Variants in PHRF1 observed in about 807,000 individuals in gnomAD.
The protein encoded by PHRF1 is PHD and ring finger domains 1, also known as PHD and RING finger domain-containing protein 1.
PHRF1 carries 53 observed loss-of-function variants against 128.9 expected under a neutral mutation model. That is an observed-to-expected ratio of 0.41 (90% CI 0.33 to 0.52). The LOEUF (loss-of-function observed/expected upper bound fraction) is 0.52. Among genes scored for constraint, PHRF1 ranks in the 20% least tolerant of loss-of-function variants. The pLI is 0.21. For missense variants in PHRF1, 2,503 were observed against 2,284.5 expected, an observed-to-expected ratio of 1.10 and a Z score of -1.95; for synonymous variants, 1,178 against 980.6, an observed-to-expected ratio of 1.20 and a Z score of -3.76.
At chr11:602,199 G>C (rs1200953266) in intron 10 of PHRF1, among the ~76,000 whole-genome samples, 1 of 152,144 alleles carries the variant, frequency 6.6e-6, no homozygotes, top group East Asian at 1.9e-4. Context: ...GTTGTCCTAG[G>C]CCCTTTCCAT....
chr11:577,152 C>T (rs906592437), intron 1 of PHRF1, among the ~76,000 whole-genome samples: 5 of 152,200 alleles, frequency 3.3e-5, no homozygotes, highest in African/African-American at 7.2e-5. Flanking sequence ...TTTTCCTATT[C>T]CTTAACTCTT....
At position 611,930 on chromosome 11, in the gene PHRF1, G is replaced by A. The variant is rs187670695; in HGVS notation, c.*153G>A. 754 of 1,282,528 alleles carry A rather than the reference G, an allele frequency of 5.9e-4. 7 individuals are homozygous for A. The highest frequency in any genetic ancestry group is 8.6e-5 in the Non-Finnish European group (82 of 952,968). 79.4% of individuals were successfully genotyped at this position (1,282,528 alleles called of 1,614,324 possible). On this transcript the variant is annotated 3_prime_UTR_variant, in exon 18 of 18. Transcript: ENST00000264555. The stretch of plus-strand genomic sequence containing the variant: ...AATGGGGGGCATCACCATGCCTGCC[G>A]TCGGGTTCCTGCGCTGACACCTGGT...
chr11:577,667 T>C (rs913618886), intron 1 of PHRF1, among the ~76,000 whole-genome samples: 1 of 152,372 alleles, frequency 6.6e-6, no homozygotes, highest in South Asian at 2.1e-4. Context: ...TGAGTTCTCC[T>C]AGCTGATACA....
chr11:580,653 G>A (rs996352418), intron 1 of PHRF1, among the ~76,000 whole-genome samples: 11 of 152,198 alleles, frequency 7.2e-5, no homozygotes, highest in Admixed American at 7.2e-4. Flanking sequence ...TCAGGATGAG[G>A]CCGTTTTGTT....
Position 607,707 on chromosome 11 carries a change from C to T in PHRF1, c.2251C>T (p.Pro751Ser). ...GGTGCACACGGGCAGCTCCCGGCCC[C>T]CAGCCCCCAGCTCCCATGGCAGTTT... ...PGVHTGSSRPPAPSSHGSLAP... is the reference protein window; with the variant it reads ...PGVHTGSSRPSAPSSHGSLAP... Residue 751 changes from proline (P) to serine (S), a missense_variant, in exon 14 of 18, where the codon CCA becomes TCA. Transcript: ENST00000264555. 1 of 1,610,744 alleles carries T rather than the reference C, an allele frequency of 6.2e-7. No homozygotes were observed. Among genetic ancestry groups the T allele is most frequent in the Non-Finnish European group, 8.5e-7 (1 of 1,178,568 alleles).
intron 3 of PHRF1, 104 bp from the exon 4 acceptor site, chr11:587,155 A>G (rs1308824583): frequency 1.8e-6 from 2 of 1,102,702 alleles, no homozygotes; most frequent in South Asian, 2.9e-5. Flanking sequence ...TGGGCTGTGC[A>G]TTGCCGACCT....
chr11:607,546 C>A lies in PHRF1; in HGVS notation c.2090C>A (p.Ala697Asp). The change falls in exon 14 of 18, where the codon GCC becomes GAC. Residue 697 changes from alanine (A) to aspartate (D), a missense_variant. Coordinates refer to ENST00000264555, the MANE Select transcript of PHRF1 (RefSeq NM_001286581.2). The stretch of plus-strand genomic sequence containing the variant: ...GACGGTGGTGGCAGACGGGATGCGG[C>A]CCCGGCCCACGGGCAGAGCATTGAG... ...RDDGGGRRDA[A>D]PAHGQSIEIP... The A allele has an allele frequency of 1.9e-6, 3 of 1,612,574 alleles. No individual in the cohort carries two copies. The highest frequency in any genetic ancestry group is 2.5e-6 in the Non-Finnish European group (3 of 1,179,870).
chr11:583,648 C>T (rs752350237), intron 3 of PHRF1, among the ~76,000 whole-genome samples: 12 of 152,312 alleles, frequency 7.9e-5, no homozygotes, highest in South Asian at 2.1e-4. Flanking sequence ...GTCTCAGCTA[C>T]GCAGGAGGCT....
Position 597,324 on chromosome 11 carries a change from C to T in PHRF1, c.719-71C>T. ...CCAGGGCTGCTACTTGGCCGGCAGCCACAGGGGGAGCCGTTGGGGGAGGCG... is the reference window on the plus strand; with the variant it reads ...CCAGGGCTGCTACTTGGCCGGCAGCTACAGGGGGAGCCGTTGGGGGAGGCG... On this transcript the variant is annotated intron_variant, in intron 7 of 17. Coordinates refer to ENST00000264555, the MANE Select transcript of PHRF1 (RefSeq NM_001286581.2). This position sits in a 1 kb window ranked among gnomAD's most constrained non-coding sequence, Gnocchi z 6.5. The T allele has an allele frequency of 9.1e-6, 14 of 1,541,024 alleles. No homozygotes were observed. Among genetic ancestry groups the T allele is most frequent in the Non-Finnish European group, 1.2e-5 (14 of 1,140,168 alleles).
chr11:602,304 G>A (rs1423185504), intron 10 of PHRF1, among the ~76,000 whole-genome samples: 2 of 152,182 alleles, frequency 1.3e-5, no homozygotes, highest in Admixed American at 6.5e-5. Context: ...TCATTCGTGT[G>A]CATGTTTGTG....
chr11:583,630 G>T (rs1589860245), intron 3 of PHRF1, among the ~76,000 whole-genome samples: 1 of 152,128 alleles, frequency 6.6e-6, no homozygotes, highest in South Asian at 2.1e-4. Context: ...TGGTGGCCCA[G>T]GCCCATGGTC....
intron 9 of PHRF1, among the ~76,000 whole-genome samples, chr11:600,029 TTA>T (rs1009496756): frequency 6.6e-6 from 1 of 152,098 alleles, no homozygotes; most frequent in Admixed American, 6.6e-5. Flanking sequence ...GTTTTAATCT[TTA>T]TGTCACTACA....
Position 607,954 on chromosome 11 carries a change from C to T in PHRF1, c.2498C>T (p.Ser833Phe), listed in dbSNP as rs1856057631. The T allele has an allele frequency of 2.5e-6, 4 of 1,612,184 alleles. No homozygotes were observed. Among genetic ancestry groups the T allele is most frequent in the Non-Finnish European group, 3.4e-6 (4 of 1,179,866 alleles). Residue 833 changes from serine to phenylalanine, a missense_variant, in exon 14 of 18, where the codon TCC (serine) becomes TTC (phenylalanine). Coordinates refer to ENST00000264555, the MANE Select transcript of PHRF1 (RefSeq NM_001286581.2). The stretch of plus-strand genomic sequence containing the variant: ...CTGCGGAGCGAGGTCTACGACCCAT[C>T]CGACCCCACCGGCTCCGACTCCAGC... The part of the protein sequence containing the change: ...KQLRSEVYDP[S>F]DPTGSDSSAP...
At chr11:592,810 G>A (rs759135783) in intron 6 of PHRF1, 136 bp downstream of exon 6, 16 of 924,584 alleles carry the variant, frequency 1.7e-5, no homozygotes, top group East Asian at 5.0e-5. Context: ...CCTCAGCAGC[G>A]CGGTTCAGTC....
chr11:589,031 G>A (rs997681530), intron 4 of PHRF1, among the ~76,000 whole-genome samples: 2 of 151,950 alleles, frequency 1.3e-5, no homozygotes, highest in African/African-American at 4.8e-5. Context: ...AGCTACTCGG[G>A]AGGCTGAGGC....
rs750760591 is a variant in PHRF1, at chr11:610,748, C to G, written c.4664C>G (p.Thr1555Ser). ...TPAPRLAAEK[T>S]KKEEYMKKLH... ...GCCCCCAGGCTAGCTGCGGAGAAAA[C>G]CAAGAAGGAGGAGGTGAGTCCTGCC... Residue 1555 changes from threonine (T) to serine (S), a missense_variant, in exon 16 of 18, where the codon ACC (threonine) becomes AGC (serine). Physicochemically the swap from Thr to Ser is moderately conservative, Grantham distance 58. Coordinates refer to ENST00000264555, the MANE Select transcript of PHRF1 (RefSeq NM_001286581.2). 5 of 1,601,330 alleles carry G rather than the reference C, an allele frequency of 3.1e-6. No individual in the cohort carries two copies. Among genetic ancestry groups the G allele is most frequent in the South Asian group, 1.1e-5 (1 of 91,068 alleles).
rs747324460 is a variant in PHRF1, at chr11:591,362, A to G, written c.421-22A>G. The G allele has an allele frequency of 2.7e-5, 42 of 1,583,178 alleles. No homozygotes were observed. In the Middle Eastern group the frequency reaches 6.6e-4, roughly 25 times the overall value. On this transcript the variant is annotated intron_variant, in intron 4 of 17. Transcript: ENST00000264555. ...AGTGAAAGTGATTGACAAGATTCTG[A>G]TCCTGTTTTTATTTCTCACAGAATG...
chr11:608,114 C>A lies in PHRF1; in HGVS notation c.2658C>A (p.Ser886Arg), dbSNP rs540916206. 1 of 1,611,862 alleles carries A rather than the reference C, an allele frequency of 6.2e-7. No homozygotes were observed. Among genetic ancestry groups the A allele is most frequent in the African/African-American group, 1.3e-5 (1 of 75,058 alleles). The change falls in exon 14 of 18, where the codon AGC becomes AGA. Residue 886 changes from serine (S) to arginine (R), a missense_variant. By Grantham distance (110) the Ser-to-Arg change is moderately radical. Coordinates refer to ENST00000264555, the MANE Select transcript of PHRF1 (RefSeq NM_001286581.2). Reference sequence around the variant, plus strand: ...GCGTCACCTCCTACACGGTGGAGAGCATCTTTGGTACAGAGCCCGAACCCC... The same window carrying A: ...GCGTCACCTCCTACACGGTGGAGAGAATCTTTGGTACAGAGCCCGAACCCC... Reference protein sequence around the residue: ...VRCVTSYTVESIFGTEPEPPL... With the variant: ...VRCVTSYTVERIFGTEPEPPL...
chr11:604,861 C>T (rs537034795), intron 10 of PHRF1, among the ~76,000 whole-genome samples: 3 of 152,312 alleles, frequency 2.0e-5, no homozygotes, highest in Non-Finnish European at 4.4e-5. Context: ...TGAGTTTTCA[C>T]TTAATGCTAC....
Sources: gnomAD v4.1 joint callset for allele counts (sites outside exome capture counted in the v4.1 genomes callset) on GRCh38, gnomAD v4.1.1 for gene constraint, Gnocchi (gnomAD v3.1) non-coding constraint, MANE v1.5 for transcripts, NCBI Gene and HGNC (gene_info 2026-07-23, HGNC 2026-07-21) for gene names.